TAFA1: variants seen among roughly 807,000 people sequenced by gnomAD.
TAFA1 encodes the protein chemokine-like protein TAFA-1.
In TAFA1, 4 loss-of-function variants were observed where a neutral mutation model predicts 18.5. That is an observed-to-expected ratio of 0.22 (90% CI 0.11 to 0.49). The LOEUF (loss-of-function observed/expected upper bound fraction) is 0.49, where lower values mean the gene tolerates loss of function less well. Among genes scored for constraint, TAFA1 ranks in the 20% least tolerant of loss-of-function variants. The pLI, the probability that TAFA1 is intolerant of heterozygous loss-of-function variation, is 0.98. For synonymous variants in TAFA1, 56 were observed against 55.2 expected (o/e 1.01, Z -0.06); for missense variants, 147 against 169.0 (o/e 0.87, Z 0.72).
chr3:68,365,393 T>A (rs751606727), intron 2 of TAFA1, among the ~76,000 whole-genome samples: 12 of 152,234 alleles, frequency 7.9e-5, no homozygotes, highest in Non-Finnish European at 1.6e-4. Context: ...ATGTGACTTC[T>A]AATGAAAGGA....
chr3:68,101,773 G>A (rs989833329), intron 2 of TAFA1, among the ~76,000 whole-genome samples: 1 of 152,070 alleles, frequency 6.6e-6, no homozygotes, highest in Non-Finnish European at 1.5e-5. Context: ...TTAGAGTAGA[G>A]TCATGTCATG....
chr3:68,506,295 A>T (rs1387373112), intron 3 of TAFA1, among the ~76,000 whole-genome samples: 1 of 151,948 alleles, frequency 6.6e-6, no homozygotes, highest in Non-Finnish European at 1.5e-5. Context: ...TCACTGATGG[A>T]CATTTGGGTT....
intron 4 of TAFA1, among the ~76,000 whole-genome samples, chr3:68,542,395 A>G (rs892532560): frequency 2.6e-4 from 40 of 152,306 alleles, no homozygotes; most frequent in African/African-American, 9.4e-4. Context: ...TAGAGATTTT[A>G]TTCTTGCAGT....
chr3:68,517,944 A>ACG (rs2072950071), intron 3 of TAFA1, among the ~76,000 whole-genome samples: 1 of 150,354 alleles, frequency 6.7e-6, no homozygotes, highest in African/African-American at 2.4e-5. Flanking sequence ...ACACACACAC[A>ACG]CACTCACACA....
chr3:68,065,917 A>G (rs1273960333), intron 2 of TAFA1, among the ~76,000 whole-genome samples: 2 of 152,124 alleles, frequency 1.3e-5, no homozygotes, highest in Non-Finnish European at 2.9e-5. Context: ...CTCAGCAATA[A>G]AAACTAATGA....
chr3:68,090,801 G>C (rs1029152003), intron 2 of TAFA1, among the ~76,000 whole-genome samples: 2 of 152,108 alleles, frequency 1.3e-5, no homozygotes, highest in Admixed American at 1.3e-4. Flanking sequence ...CTGAAAGACG[G>C]GTCAGAGACA....
the TAFA1 span, among the ~76,000 whole-genome samples, chr3:67,997,511 A>G: frequency 1.3e-5 from 2 of 152,336 alleles, no homozygotes; most frequent in South Asian, 4.1e-4. Flanking sequence ...TAAAATATAT[A>G]TATTGCTATT....
At chr3:68,196,455 C>A (rs532533169) in intron 2 of TAFA1, among the ~76,000 whole-genome samples, 12 of 151,676 alleles carry the variant, frequency 7.9e-5, no homozygotes, top group Non-Finnish European at 1.5e-4. Context: ...TGTTCTGATT[C>A]ACCTGCTTTC....
At chr3:68,287,639 G>C (rs974138610) in intron 2 of TAFA1, among the ~76,000 whole-genome samples, 3 of 152,096 alleles carry the variant, frequency 2.0e-5, no homozygotes, top group African/African-American at 7.2e-5. Context: ...TGGCTTTAAA[G>C]GTACCTCCTG....
intron 2 of TAFA1, among the ~76,000 whole-genome samples, chr3:68,211,458 G>A (rs1332383486): frequency 2.0e-5 from 3 of 151,950 alleles, no homozygotes; most frequent in Non-Finnish European, 4.4e-5. Context: ...AATATTTACT[G>A]ACATTCTACC....
intron 4 of TAFA1, among the ~76,000 whole-genome samples, chr3:68,542,560 G>C (rs1233885574): frequency 1.3e-5 from 2 of 152,060 alleles, no homozygotes; most frequent in Non-Finnish European, 2.9e-5. Flanking sequence ...CTTCCCCTCA[G>C]AGATGTAAAA....
chr3:68,202,863 A>C (rs1449512153), intron 2 of TAFA1, among the ~76,000 whole-genome samples: 1 of 151,710 alleles, frequency 6.6e-6, no homozygotes, highest in East Asian at 1.9e-4. Flanking sequence ...TAAAAAAACA[A>C]AAATTTTTAT....
At chr3:68,002,040 G>A (rs577224739), upstream of TAFA1, among the ~76,000 whole-genome samples, 5 of 152,290 alleles carry the variant, frequency 3.3e-5, no homozygotes, top group African/African-American at 1.2e-4. Context: ...CAACCCTAAA[G>A]GGATCAGGAA....
intron 2 of TAFA1, among the ~76,000 whole-genome samples, chr3:68,281,140 T>G (rs2067890515): frequency 6.6e-6 from 1 of 152,150 alleles, no homozygotes; most frequent in Non-Finnish European, 1.5e-5. Context: ...TTATTTACAT[T>G]GTTCCTTTTG....
chr3:68,164,244 T>C (rs1393061523), intron 2 of TAFA1, among the ~76,000 whole-genome samples: 2 of 152,198 alleles, frequency 1.3e-5, no homozygotes, highest in Non-Finnish European at 2.9e-5. Flanking sequence ...AAACTTCACA[T>C]AGGTCTTGCC....
At chr3:68,240,350 A>G (rs1408510730) in intron 2 of TAFA1, among the ~76,000 whole-genome samples, 1 of 152,198 alleles carries the variant, frequency 6.6e-6, no homozygotes, top group African/African-American at 2.4e-5. Flanking sequence ...AAAGAATGTC[A>G]TCTAGCCAAA....
chr3:68,250,212 T>C (rs4508788), intron 2 of TAFA1, among the ~76,000 whole-genome samples: 57,464 of 151,910 alleles, frequency 0.38, 11,576 homozygotes, highest in East Asian at 0.56. Flanking sequence ...ACTGGCTCTC[T>C]ATTTGCTTAT....
chr3:68,158,548 T>C (rs528287539), intron 2 of TAFA1, among the ~76,000 whole-genome samples: 2 of 152,058 alleles, frequency 1.3e-5, no homozygotes, highest in East Asian at 3.9e-4. Context: ...TCAAAAAGTC[T>C]TACCCAGTCA....
chr3:68,404,533 C>T (rs1575838243), intron 2 of TAFA1, among the ~76,000 whole-genome samples: 1 of 152,258 alleles, frequency 6.6e-6, no homozygotes, highest in Non-Finnish European at 1.5e-5. Context: ...GGTGTGGTGG[C>T]TCACGCCTAT....
Sources: allele counts gnomAD v4.1 joint callset (sites outside exome capture counted in the v4.1 genomes callset), GRCh38; gene constraint gnomAD v4.1.1; transcripts MANE v1.5; gene names NCBI Gene and HGNC (gene_info 2026-07-23, HGNC 2026-07-21).